The following KIRREL3 variants were observed in gnomAD, a reference collection of about 807,000 sequenced individuals.
The protein encoded by KIRREL3 is kirre like nephrin family adhesion molecule 3, also known as kin of IRRE-like protein 3.
KIRREL3 carries 36 observed loss-of-function variants against 89.7 expected under a neutral mutation model. The observed-to-expected ratio is 0.40, with a 90% CI of 0.31 to 0.53. KIRREL3 has a LOEUF of 0.53. Among genes scored for constraint, KIRREL3 ranks in the 20% least tolerant of loss-of-function variants. KIRREL3 has a pLI of 0.49. For missense variants in KIRREL3, 864 were observed against 1,056.6 expected (o/e 0.82, Z 2.53); for synonymous variants, 445 against 441.4 (o/e 1.01, Z -0.10).
At chr11:126,840,475 A>G (rs1453940186) in intron 1 of KIRREL3, among the ~76,000 whole-genome samples, 1 of 152,172 alleles carries the variant, frequency 6.6e-6, no homozygotes, top group Non-Finnish European at 1.5e-5. Context: ...ATCAACAGGG[A>G]AGTTTTATAA....
intron 4 of KIRREL3, among the ~76,000 whole-genome samples, chr11:126,480,886 A>C (rs780077536): frequency 2.0e-5 from 3 of 152,212 alleles, no homozygotes; most frequent in Non-Finnish European, 2.9e-5. Flanking sequence ...GTGTAATCCC[A>C]GCTTCCGGTT....
chr11:126,794,713 T>G (rs1202812650), intron 1 of KIRREL3, among the ~76,000 whole-genome samples: 1 of 152,030 alleles, frequency 6.6e-6, no homozygotes, highest in Non-Finnish European at 1.5e-5. Context: ...CGAAACAGAG[T>G]CTTACCATGG....
chr11:126,959,630 G>A (rs530694858), intron 1 of KIRREL3, among the ~76,000 whole-genome samples: 48 of 152,130 alleles, frequency 3.2e-4, no homozygotes, highest in Non-Finnish European at 5.7e-4. Context: ...CCATCATCTC[G>A]GTATTCCTCC....
In KIRREL3 at chr11:126,636,313, C is replaced by T. The variant is rs1440850359; in HGVS notation, c.56-73401G>A. On this transcript the variant is annotated intron_variant, in intron 1 of 16. Transcript: ENST00000525144. This position sits in a 1 kb window ranked among gnomAD's most constrained non-coding sequence, Gnocchi z 4.4. ...GTTTGCTTGCTACGGAGGAAATACC[C>T]ATTTCAAAGAATTGGGAGGATAAAA... Among the ~76,000 whole-genome samples the T allele has an allele frequency of 6.6e-6, 1 of 152,170 alleles. No homozygotes were observed. The highest frequency in any genetic ancestry group is 2.4e-5 in the African/African-American group (1 of 41,440).
At chr11:126,868,957 C>G (rs559014547) in intron 1 of KIRREL3, among the ~76,000 whole-genome samples, 1 of 152,146 alleles carries the variant, frequency 6.6e-6, no homozygotes, top group Non-Finnish European at 1.5e-5. Flanking sequence ...TTTATAAAAG[C>G]ACTAATCCCA....
At chr11:126,583,948 A>G (rs1244102652) in intron 1 of KIRREL3, among the ~76,000 whole-genome samples, 1 of 152,138 alleles carries the variant, frequency 6.6e-6, no homozygotes, top group Non-Finnish European at 1.5e-5. Flanking sequence ...GTTTTAATCA[A>G]TACTATATTA....
intron 4 of KIRREL3, among the ~76,000 whole-genome samples, chr11:126,493,288 G>A (rs1957569609): frequency 1.3e-5 from 2 of 152,144 alleles, no homozygotes; most frequent in South Asian, 2.1e-4. Context: ...TTGGGAGGCC[G>A]AGACGGGTGG....
intron 1 of KIRREL3, among the ~76,000 whole-genome samples, chr11:126,634,837 A>G (rs989455015): frequency 5.3e-5 from 8 of 152,130 alleles, no homozygotes; most frequent in African/African-American, 1.9e-4. Flanking sequence ...GCCCTCTCGG[A>G]GGCCCTTGCT....
At position 126,611,054 on chromosome 11, in the gene KIRREL3, G is replaced by GTA. The variant is rs1412942759; in HGVS notation, c.56-48144_56-48143dup. 6.6e-6 allele frequency: 1 copy of GTA among 152,172 alleles called. No homozygotes were observed. The highest frequency in any genetic ancestry group is 1.5e-5 in the Non-Finnish European group (1 of 68,044). 9.4% of individuals were successfully genotyped at this position (152,172 alleles called of 1,614,324 possible). On this transcript the variant is annotated intron_variant, in intron 1 of 16. Transcript: ENST00000525144. This position sits in a 1 kb window ranked among gnomAD's most constrained non-coding sequence, Gnocchi z 4.7. ...AGACCATTTGCCTTAGGGGCTAAGA[G>GTA]TACAGGTGCAAGAGACAGACCGCCC...
At chr11:126,701,153 A>G (rs1947298654) in intron 1 of KIRREL3, among the ~76,000 whole-genome samples, 1 of 152,210 alleles carries the variant, frequency 6.6e-6, no homozygotes, top group African/African-American at 2.4e-5. Context: ...TGCAACATCA[A>G]GGTTCATTTC....
At chr11:126,588,614 CT>C (rs912951644) in intron 1 of KIRREL3, among the ~76,000 whole-genome samples, 3 of 152,206 alleles carry the variant, frequency 2.0e-5, no homozygotes, top group African/African-American at 7.2e-5. Flanking sequence ...CCTCACTCCA[CT>C]GCTCTATTTT....
chr11:126,493,654 CAAAAAA>C (rs5795499), intron 4 of KIRREL3, among the ~76,000 whole-genome samples: 1 of 82,218 alleles, frequency 1.2e-5, no homozygotes, highest in African/African-American at 5.2e-5. Context: ...GACTCTGTCT[CAAAAAA>C]AAAAAAAAAA....
Position 126,811,389 on chromosome 11 carries a change from G to A in KIRREL3, c.55+189066C>T, listed in dbSNP as rs1364721586. Among the ~76,000 whole-genome samples, 1 of 152,114 alleles carries A rather than the reference G, an allele frequency of 6.6e-6. No homozygotes were observed. The highest frequency in any genetic ancestry group is 1.9e-4 in the East Asian group (1 of 5,182). On this transcript the variant is annotated intron_variant, in intron 1 of 16. Transcript: ENST00000525144. This position sits in a 1 kb window ranked among gnomAD's most constrained non-coding sequence, Gnocchi z 4.3. ...GCCTGTAAGCTCCAAGAGGGTAGGGGGCTGTGTCTGAATTTTGGTTAATTG... is the reference window on the plus strand; with the variant it reads ...GCCTGTAAGCTCCAAGAGGGTAGGGAGCTGTGTCTGAATTTTGGTTAATTG...
In KIRREL3 at chr11:126,471,625, C is replaced by G. The variant is rs532991416; in HGVS notation, c.591+1684G>C. On this transcript the variant is annotated intron_variant, in intron 5 of 16. Coordinates refer to ENST00000525144, the MANE Select transcript of KIRREL3 (RefSeq NM_032531.4). The surrounding 1 kb of genome is among the most constrained non-coding windows in gnomAD (Gnocchi z 5.4). ...TTGAATAATTTCCCTGGGCCCTGAG[C>G]TGTAGGGGTGGTCTGATGTGTGGCC... 2.1e-4 allele frequency among the ~76,000 whole-genome samples: 32 copies of G among 151,988 alleles called. No homozygotes were observed. In the South Asian group the frequency reaches 6.0e-3, roughly 29 times the overall value.
chr11:126,709,601 TG>T lies in KIRREL3; in HGVS notation c.56-146690del, dbSNP rs1947678079. Among the ~76,000 whole-genome samples the T allele has an allele frequency of 6.6e-6, 1 of 152,168 alleles. No homozygotes were observed. Among genetic ancestry groups the T allele is most frequent in the African/African-American group, 2.4e-5 (1 of 41,434 alleles). The stretch of plus-strand genomic sequence containing the variant: ...AGGGTGCGTCCTAATCCTGCATGAC[TG>T]GTGTCCTTATAAAAAGAGAAAATTT... On this transcript the variant is annotated intron_variant, in intron 1 of 16. Coordinates refer to ENST00000525144, the MANE Select transcript of KIRREL3 (RefSeq NM_032531.4). This position sits in a 1 kb window ranked among gnomAD's most constrained non-coding sequence, Gnocchi z 4.0.
chr11:126,816,598 A>G (rs1951580700), intron 1 of KIRREL3, among the ~76,000 whole-genome samples: 1 of 152,270 alleles, frequency 6.6e-6, no homozygotes, highest in African/African-American at 2.4e-5. Context: ...TTTTGAGGCC[A>G]GACCTGAGTA....
chr11:126,960,036 A>G (rs1048726311), intron 1 of KIRREL3, among the ~76,000 whole-genome samples: 1 of 152,114 alleles, frequency 6.6e-6, no homozygotes, highest in African/African-American at 2.4e-5. Flanking sequence ...TACTTAGCCA[A>G]TATTAGATAC....
At position 126,870,459 on chromosome 11, in the gene KIRREL3, C is replaced by T. The variant is rs932773899; in HGVS notation, c.55+129996G>A. 2.0e-5 allele frequency among the ~76,000 whole-genome samples: 3 copies of T among 152,192 alleles called. No individual in the cohort carries two copies. Among genetic ancestry groups the T allele is most frequent in the Non-Finnish European group, 2.9e-5 (2 of 68,012 alleles). On this transcript the variant is annotated intron_variant, in intron 1 of 16. Transcript: ENST00000525144. This position sits in a 1 kb window ranked among gnomAD's most constrained non-coding sequence, Gnocchi z 4.4. ...GCTGGAGAGCTCTCCCTGAAGCTTC[C>T]ATCCCTGGCCTTTAGAGACCGAAGT...
chr11:126,494,578 G>A (rs1171282164), intron 4 of KIRREL3, among the ~76,000 whole-genome samples: 1 of 152,146 alleles, frequency 6.6e-6, no homozygotes, highest in African/African-American at 2.4e-5. Flanking sequence ...AATATTATTT[G>A]TCTAGATTAT....
Sources: gnomAD v4.1 joint callset for allele counts (sites outside exome capture counted in the v4.1 genomes callset) on GRCh38, gnomAD v4.1.1 for gene constraint, Gnocchi (gnomAD v3.1) non-coding constraint, MANE v1.5 for transcripts, NCBI Gene and HGNC (gene_info 2026-07-23, HGNC 2026-07-21) for gene names.